KCNK6: variants seen among roughly 807,000 people sequenced by gnomAD.
The protein encoded by KCNK6 is potassium two pore domain channel subfamily K member 6, also known as potassium channel subfamily K member 6.
A neutral mutation model predicts 21.9 loss-of-function variants in KCNK6; 20 were observed. The observed-to-expected ratio is 0.91, with a 90% CI of 0.64 to 1.32. The LOEUF (loss-of-function observed/expected upper bound fraction) is 1.32, where lower values mean the gene tolerates loss of function less well. Ranked by LOEUF, KCNK6 falls within the 40% of genes most tolerant of loss-of-function variation. KCNK6 has a pLI of 0.00. For synonymous variants in KCNK6, 210 were observed against 218.0 expected, an observed-to-expected ratio of 0.96 and a Z score of 0.32; for missense variants, 415 against 433.1, an observed-to-expected ratio of 0.96 and a Z score of 0.37.
In KCNK6 at chr19:38,320,173, G is replaced by A; in HGVS notation, c.223G>A (p.Val75Ile). ...RVLAAGRLGR[V>I]VLANASGSAN... is the part of the protein sequence containing the mutation. ...GCTGGCGGCCGGACGGCTGGGGCGG[G>A]TCGTGCTTGCTAACGCTTCGGGGTC... Residue 75 changes from valine (V) to isoleucine (I), a missense_variant, in exon 1 of 3, where the codon GTC becomes ATC. Coordinates refer to ENST00000263372, the MANE Select transcript of KCNK6 (RefSeq NM_004823.3). 3.1e-6 allele frequency: 5 copies of A among 1,599,548 alleles called. No individual in the cohort carries two copies. The highest frequency in any genetic ancestry group is 4.2e-6 in the Non-Finnish European group (5 of 1,179,138).
chr19:38,324,098 A>T (rs532748264), intron 1 of KCNK6, among the ~76,000 whole-genome samples: 1 of 151,506 alleles, frequency 6.6e-6, no homozygotes, highest in African/African-American at 2.4e-5. Context: ...TTTTATTATT[A>T]TTATTTTTTT....
At chr19:38,321,511 T>C (rs1373535371) in intron 1 of KCNK6, among the ~76,000 whole-genome samples, 4 of 152,208 alleles carry the variant, frequency 2.6e-5, no homozygotes, top group Non-Finnish European at 5.9e-5. Flanking sequence ...ACCCCGAGTT[T>C]TGGGAAACCC....
rs777820175 is a variant in KCNK6 at position 38,320,150 on chromosome 19, T to C, written c.200T>C (p.Leu67Pro). The C allele has an allele frequency of 6.3e-7, 1 of 1,595,378 alleles. No individual in the cohort carries two copies. Among genetic ancestry groups the C allele is most frequent in the Non-Finnish European group, 8.5e-7 (1 of 1,177,560 alleles). Residue 67 changes from leucine (L) to proline (P), a missense_variant, in exon 1 of 3, where the codon CTG (leucine) becomes CCG (proline). Physicochemically the swap from Leu to Pro is moderately conservative, Grantham distance 98 (BLOSUM62 -3). Transcript: ENST00000263372. ...PALDAFVERVLAAGRLGRVVL... is the reference protein window; with the variant it reads ...PALDAFVERVPAAGRLGRVVL... ...CTGGACGCCTTCGTGGAGCGAGTGC[T>C]GGCGGCCGGACGGCTGGGGCGGGTC...
At chr19:38,322,582 C>T (rs907304424) in intron 1 of KCNK6, among the ~76,000 whole-genome samples, 3 of 151,994 alleles carry the variant, frequency 2.0e-5, no homozygotes, top group Admixed American at 6.6e-5. Context: ...TTTGGAGGGC[C>T]GAGGTGGGCA....
Position 38,327,443 on chromosome 19 carries a change from G to C in KCNK6, c.*40G>C. ...GCCAGGCTTGGGTGTGCCTGGCCTG[G>C]GACTGAGGGGTCCAGGCGACCAGAG... On this transcript the variant is annotated 3_prime_UTR_variant, in exon 3 of 3. Coordinates refer to ENST00000263372, the MANE Select transcript of KCNK6 (RefSeq NM_004823.3). 6.3e-7 allele frequency: 1 copy of C among 1,581,566 alleles called. No homozygotes were observed. Among genetic ancestry groups the C allele is most frequent in the Non-Finnish European group, 8.6e-7 (1 of 1,165,300 alleles).
In KCNK6 at chr19:38,328,998, AGTAAG is replaced by A. The variant is rs1490746414; in HGVS notation, c.*1596_*1600del. 1 of 149,162 alleles carries A rather than the reference AGTAAG, an allele frequency of 6.7e-6. No homozygotes were observed. Among genetic ancestry groups the A allele is most frequent in the Admixed American group, 6.7e-5 (1 of 14,880 alleles). 9.2% of individuals were successfully genotyped at this position (149,162 alleles called of 1,614,324 possible). On this transcript the variant is annotated 3_prime_UTR_variant, in exon 3 of 3. Coordinates refer to ENST00000263372, the MANE Select transcript of KCNK6 (RefSeq NM_004823.3). Reference sequence around the variant, plus strand: ...GAAAGAAAAAAGAAAAAGAAAGAAAAGTAAGAAAGAAAAAAAGAAAAAGAAAGAAA... The same window carrying A: ...GAAAGAAAAAAGAAAAAGAAAGAAAAAAAGAAAAAAAGAAAAAGAAAGAAA...
chr19:38,320,915 C>T (rs1321465240), intron 1 of KCNK6, among the ~76,000 whole-genome samples: 2 of 152,094 alleles, frequency 1.3e-5, no homozygotes, highest in African/African-American at 4.8e-5. Flanking sequence ...CCCCTCTAAG[C>T]CTAGGACTGT....
At position 38,319,927 on chromosome 19, in the gene KCNK6, G is replaced by A; in HGVS notation, c.-24G>A. ...GGCCACGTCAGCGGGGCCACCCAGG[G>A]CTCGCGGGGTCCCGGTGGGTGCCAT... On this transcript the variant is annotated 5_prime_UTR_variant, in exon 1 of 3. Transcript: ENST00000263372. 2 of 1,397,100 alleles carry A rather than the reference G, an allele frequency of 1.4e-6. No homozygotes were observed. The highest frequency in any genetic ancestry group is 1.8e-6 in the Non-Finnish European group (2 of 1,088,096). 86.5% of individuals were successfully genotyped at this position (1,397,100 alleles called of 1,614,324 possible).
rs371834406 is a variant in KCNK6 at position 38,326,979 on chromosome 19, C to T, written c.709C>T (p.Leu237=). ...GQPYRALYKV[L]VTVYLFLGLV... is the part of the protein sequence containing the mutation. ...GCCCTACCGGGCCCTCTACAAGGTG[C>T]TGGTCACAGGTGAGCTGGGTGGCTA... Residue 237 remains leucine, a synonymous_variant, in exon 2 of 3, where the codon CTG becomes TTG. Transcript: ENST00000263372. 79 of 1,600,160 alleles carry T rather than the reference C, an allele frequency of 4.9e-5. No homozygotes were observed. In the African/African-American group the frequency reaches 9.9e-4, roughly 20 times the overall value.
At chr19:38,320,349 C>A (rs1969636933) in intron 1 of KCNK6, 77 bp downstream of exon 1, 2 of 1,458,500 alleles carry the variant, frequency 1.4e-6, no homozygotes, top group East Asian at 2.3e-5. Context: ...GACCCCGGGG[C>A]CCTCACGAAT....
At chr19:38,323,122 A>C (rs1481313604) in intron 1 of KCNK6, among the ~76,000 whole-genome samples, 2 of 152,176 alleles carry the variant, frequency 1.3e-5, no homozygotes, top group Non-Finnish European at 2.9e-5. Flanking sequence ...CAAAACAAAC[A>C]AACAAAAAAG....
In KCNK6 at chr19:38,331,430, C is replaced by T. The variant is rs1354538270; in HGVS notation, c.*4027C>T. The T allele has an allele frequency of 6.6e-6, 1 of 151,892 alleles. No individual in the cohort carries two copies. The highest frequency in any genetic ancestry group is 1.5e-5 in the Non-Finnish European group (1 of 68,088). The allele number at this position is 151,892 out of a possible 1,614,324, so 9.4% of individuals were successfully genotyped here. On this transcript the variant is annotated 3_prime_UTR_variant, in exon 3 of 3. Transcript: ENST00000263372. The stretch of plus-strand genomic sequence containing the variant: ...CACAAGGTCAGGAGATCAAGACCAT[C>T]CTGGCTAACACAGTGAAACCCGTCT...
At position 38,330,058 on chromosome 19, in the gene KCNK6, AGG is replaced by A. The variant is rs1969755106; in HGVS notation, c.*2656_*2657del. Reference sequence around the variant, plus strand: ...ATCAAGAGGTCATAGGGGGCAGGCCAGGTGGCTCACGCCTGTAATCCCAGCAC... The same window carrying A: ...ATCAAGAGGTCATAGGGGGCAGGCCATGGCTCACGCCTGTAATCCCAGCAC... On this transcript the variant is annotated 3_prime_UTR_variant, in exon 3 of 3. Coordinates refer to ENST00000263372, the MANE Select transcript of KCNK6 (RefSeq NM_004823.3). 1 of 152,466 alleles carries A rather than the reference AGG, an allele frequency of 6.6e-6. No homozygotes were observed. Among genetic ancestry groups the A allele is most frequent in the Non-Finnish European group, 1.5e-5 (1 of 68,256 alleles). The allele number at this position is 152,466 out of a possible 1,614,324, so 9.4% of individuals were successfully genotyped here. A position where few individuals can be genotyped will look rare whatever the true frequency, so the allele number is the denominator to read the frequency against.
intron 1 of KCNK6, among the ~76,000 whole-genome samples, chr19:38,326,071 A>G (rs1422075753): frequency 6.6e-6 from 1 of 152,186 alleles, no homozygotes; most frequent in African/African-American, 2.4e-5. Context: ...TCACTGACAG[A>G]TGGAGTGCGG....
At chr19:38,326,097 C>T (rs1456547164) in intron 1 of KCNK6, among the ~76,000 whole-genome samples, 1 of 152,104 alleles carries the variant, frequency 6.6e-6, no homozygotes, top group African/African-American at 2.4e-5. Flanking sequence ...GTGACGAGGG[C>T]GTCAGGGATG....
At position 38,327,478 on chromosome 19, in the gene KCNK6, C is replaced by T; in HGVS notation, c.*75C>T. The stretch of plus-strand genomic sequence containing the variant: ...GTCCAGGCGACCAGAGCTGGCTGTA[C>T]AGGAATGTCCACGAGCACAGCAGGT... On this transcript the variant is annotated 3_prime_UTR_variant, in exon 3 of 3. Transcript: ENST00000263372. 2.2e-6 allele frequency: 3 copies of T among 1,351,154 alleles called. No individual in the cohort carries two copies. Among genetic ancestry groups the T allele is most frequent in the East Asian group, 2.4e-5 (1 of 41,940 alleles). 83.7% of individuals were successfully genotyped at this position (1,351,154 alleles called of 1,614,324 possible).
rs57874113 is a variant in KCNK6, at chr19:38,325,305, C to T, written c.323-1288C>T. ...CTAATTTTTGCATTTTTAGTAGAGA[C>T]GGGGTTTCACCATATTGGTCAGGCT... On this transcript the variant is annotated intron_variant, in intron 1 of 2. Coordinates refer to ENST00000263372, the MANE Select transcript of KCNK6 (RefSeq NM_004823.3). 951 of 653,286 alleles carry T rather than the reference C, an allele frequency of 1.5e-3. 9 individuals are homozygous for T. In the African/African-American group the frequency reaches 0.018, roughly 12 times the overall value. 40.5% of individuals were successfully genotyped at this position (653,286 alleles called of 1,614,324 possible).
At chr19:38,321,175 G>A (rs927408608) in intron 1 of KCNK6, among the ~76,000 whole-genome samples, 3 of 152,142 alleles carry the variant, frequency 2.0e-5, no homozygotes, top group Non-Finnish European at 4.4e-5. Flanking sequence ...CTCTCAGGGT[G>A]TCCTCACTAA....
intron 1 of KCNK6, among the ~76,000 whole-genome samples, chr19:38,321,579 C>G (rs1230305842): frequency 6.6e-6 from 1 of 152,248 alleles, no homozygotes; most frequent in Non-Finnish European, 1.5e-5. Flanking sequence ...CCCCCAGCCC[C>G]TTCTCAGCTC....
Sources: gnomAD v4.1 joint callset for allele counts (sites outside exome capture counted in the v4.1 genomes callset) on GRCh38, gnomAD v4.1.1 for gene constraint, MANE v1.5 for transcripts, NCBI Gene and HGNC (gene_info 2026-07-23, HGNC 2026-07-21) for gene names.